Variants in CPQ observed in about 807,000 individuals in gnomAD.
CPQ encodes Ser-Met dipeptidase.
Under a neutral mutation model 45.7 loss-of-function variants are expected in CPQ, and 37 were observed. That is an observed-to-expected ratio of 0.81 (90% CI 0.62 to 1.07). The LOEUF (loss-of-function observed/expected upper bound fraction) is 1.07, where lower values mean the gene tolerates loss of function less well. Among genes scored for constraint, CPQ ranks in the 50% least tolerant of loss-of-function variants. The pLI is 0.00. For missense variants in CPQ, 537 were observed against 572.9 expected (o/e 0.94, Z 0.64); for synonymous variants, 186 against 205.8 (o/e 0.90, Z 0.82).
At chr8:97,103,890 C>T (rs1811357086) in intron 7 of CPQ, among the ~76,000 whole-genome samples, 1 of 152,186 alleles carries the variant, frequency 6.6e-6, no homozygotes, top group Non-Finnish European at 1.5e-5. Context: ...ACATTATCTT[C>T]CGCACTTCCA....
chr8:97,130,914 T>A (rs966483305), intron 7 of CPQ, among the ~76,000 whole-genome samples: 7 of 152,178 alleles, frequency 4.6e-5, no homozygotes, highest in African/African-American at 1.7e-4. Context: ...AAAAAAAATT[T>A]GCATCTCTTC....
At chr8:97,066,278 A>G in intron 7 of CPQ, 68 bp downstream of exon 7, 1 of 1,409,852 alleles carries the variant, frequency 7.1e-7, no homozygotes, top group Non-Finnish European at 9.7e-7. Flanking sequence ...TTTCTGTTTT[A>G]ATAGAGCACA....
chr8:96,648,952 A>G (rs1041495572), intron 1 of CPQ, among the ~76,000 whole-genome samples: 9 of 152,152 alleles, frequency 5.9e-5, no homozygotes, highest in Admixed American at 3.9e-4. Flanking sequence ...AAACTTTATC[A>G]CAGTCTAGAT....
At chr8:96,784,401 G>GGC (rs1019591382) in intron 1 of CPQ, among the ~76,000 whole-genome samples, 7 of 146,306 alleles carry the variant, frequency 4.8e-5, no homozygotes, top group Non-Finnish European at 9.1e-5. Flanking sequence ...TTCTGAGGTG[G>GGC]GGGGGGGGTT....
intron 7 of CPQ, among the ~76,000 whole-genome samples, chr8:97,114,389 T>C (rs961431615): frequency 6.6e-6 from 1 of 152,220 alleles, no homozygotes; most frequent in African/African-American, 2.4e-5. Context: ...GCTATTTGCA[T>C]ATCTTCTTGA....
chr8:96,835,831 G>A (rs1323235906), intron 3 of CPQ, among the ~76,000 whole-genome samples: 1 of 152,214 alleles, frequency 6.6e-6, no homozygotes, highest in African/African-American at 2.4e-5. Flanking sequence ...ATCTACAAAG[G>A]TCCATATAAA....
chr8:97,100,453 A>C (rs1378180695), intron 7 of CPQ, among the ~76,000 whole-genome samples: 1 of 152,112 alleles, frequency 6.6e-6, no homozygotes, highest in African/African-American at 2.4e-5. Flanking sequence ...TGCAGTGGGA[A>C]AGTGGGCTTG....
At chr8:97,021,508 A>G (rs917770442) in intron 5 of CPQ, among the ~76,000 whole-genome samples, 6 of 152,196 alleles carry the variant, frequency 3.9e-5, no homozygotes, top group Non-Finnish European at 5.9e-5. Flanking sequence ...GAATTCAGAA[A>G]AGTTTCCGGA....
At chr8:97,044,516 G>A (rs192471758) in intron 6 of CPQ, among the ~76,000 whole-genome samples, 9 of 152,258 alleles carry the variant, frequency 5.9e-5, no homozygotes, top group African/African-American at 1.2e-4. Context: ...GCTTTGTTCC[G>A]TTGCTGGTGA....
At chr8:97,099,545 T>A (rs955944496) in intron 7 of CPQ, among the ~76,000 whole-genome samples, 8 of 150,958 alleles carry the variant, frequency 5.3e-5, no homozygotes, top group African/African-American at 2.0e-4. Context: ...TCTTAAGATA[T>A]GTGTGTTTTT....
At chr8:96,824,295 G>A (rs562135908) in intron 2 of CPQ, among the ~76,000 whole-genome samples, 2 of 152,054 alleles carry the variant, frequency 1.3e-5, no homozygotes, top group East Asian at 1.9e-4. Flanking sequence ...TATATTTACC[G>A]ATGGGTGGCA....
chr8:96,790,621 T>G (rs1008878603), intron 2 of CPQ, among the ~76,000 whole-genome samples: 1 of 152,132 alleles, frequency 6.6e-6, no homozygotes, highest in African/African-American at 2.4e-5. Flanking sequence ...TCTTACGTTC[T>G]TGTCTGCACT....
At position 97,143,019 on chromosome 8, in the gene CPQ, G is replaced by A. The variant is rs754866646; in HGVS notation, c.1256-1G>A. The A allele has an allele frequency of 1.2e-6, 2 of 1,613,464 alleles. No individual in the cohort carries two copies. Among genetic ancestry groups the A allele is most frequent in the South Asian group, 2.2e-5 (2 of 90,978 alleles). ...AAGAATTCTTCCTCTTTTATCCCCA[G>A]GAGCCAGTCTACTTGATGACTTATA... is the stretch of plus-strand genomic sequence containing the variant. On this transcript the variant is annotated splice_acceptor_variant, in intron 7 of 7. Coordinates refer to ENST00000220763, the MANE Select transcript of CPQ (RefSeq NM_016134.4). LOFTEE classifies it high-confidence loss of function.
chr8:96,917,181 A>G (rs1473843839), intron 4 of CPQ, among the ~76,000 whole-genome samples: 3 of 151,932 alleles, frequency 2.0e-5, no homozygotes, highest in Admixed American at 6.6e-5. Flanking sequence ...ATGGCATTAT[A>G]CTCCACCTCT....
At chr8:97,117,104 G>A (rs527792654) in intron 7 of CPQ, among the ~76,000 whole-genome samples, 11 of 152,336 alleles carry the variant, frequency 7.2e-5, no homozygotes, top group East Asian at 3.9e-4. Context: ...GAAATGTAGC[G>A]ATAATTATTC....
chr8:97,109,823 T>C (rs1811469519), intron 7 of CPQ, among the ~76,000 whole-genome samples: 1 of 152,126 alleles, frequency 6.6e-6, no homozygotes, highest in Admixed American at 6.5e-5. Context: ...TGACTCGTCC[T>C]CAGGCCAATG....
At chr8:96,929,700 C>T (rs1285202059) in intron 4 of CPQ, among the ~76,000 whole-genome samples, 1 of 152,144 alleles carries the variant, frequency 6.6e-6, no homozygotes, top group African/African-American at 2.4e-5. Flanking sequence ...TATACTTTTA[C>T]TGTAGTCTCT....
At chr8:96,962,971 C>T (rs1357999346) in intron 4 of CPQ, among the ~76,000 whole-genome samples, 4 of 152,074 alleles carry the variant, frequency 2.6e-5, no homozygotes, top group East Asian at 1.9e-4. Context: ...TCTTCTATAG[C>T]ACTATACCAA....
At chr8:97,090,673 GA>G (rs1452243776) in intron 7 of CPQ, among the ~76,000 whole-genome samples, 1 of 152,096 alleles carries the variant, frequency 6.6e-6, no homozygotes. Flanking sequence ...TATGGTATGG[GA>G]AAAAAATTAG....
Sources: gnomAD v4.1 joint callset for allele counts (sites outside exome capture counted in the v4.1 genomes callset) on GRCh38, gnomAD v4.1.1 for gene constraint, MANE v1.5 for transcripts, NCBI Gene and HGNC (gene_info 2026-07-23, HGNC 2026-07-21) for gene names.